TTC16: variants seen among roughly 807,000 people sequenced by gnomAD.
The protein encoded by TTC16 is tetratricopeptide repeat protein 16.
In TTC16, 66 loss-of-function variants were observed where a neutral mutation model predicts 80.4. The ratio of observed to expected loss-of-function variants is 0.82; its 90% confidence interval spans 0.67 to 1.01. The LOEUF (loss-of-function observed/expected upper bound fraction) is 1.01, where lower values mean the gene tolerates loss of function less well. Among genes scored for constraint, TTC16 ranks in the 50% least tolerant of loss-of-function variants. The pLI is 0.00. For missense variants in TTC16, 1,070 were observed against 1,103.2 expected (o/e 0.97, Z 0.43); for synonymous variants, 438 against 451.3 (o/e 0.97, Z 0.37).
At position 127,720,264 on chromosome 9, in the gene TTC16, A is replaced by G; in HGVS notation, c.528-2A>G. The G allele has an allele frequency of 3.1e-6, 5 of 1,613,356 alleles. No homozygotes were observed. The highest frequency in any genetic ancestry group is 2.2e-5 in the South Asian group (2 of 91,074). On this transcript the variant is annotated splice_acceptor_variant, in intron 5 of 13. Transcript: ENST00000373289. LOFTEE classifies it high-confidence loss of function. ...CGAGCACTCTGTGCCCTCTGCCCTC[A>G]GCATGGCCTGTCTCCTGGCCCTCAA...
At chr9:127,726,067 C>G (rs10987724) in intron 9 of TTC16, among the ~76,000 whole-genome samples, 172 bp from the exon 10 acceptor site, 1 of 152,156 alleles carries the variant, frequency 6.6e-6, no homozygotes, top group Non-Finnish European at 1.5e-5. Context: ...ACACTGGCAT[C>G]GAAGTGTTGG....
intron 13 of TTC16, 132 bp from the exon 14 acceptor site, chr9:127,730,504 G>C (rs1437372452): frequency 2.2e-6 from 3 of 1,368,528 alleles, no homozygotes; most frequent in Non-Finnish European, 1.9e-6. Context: ...GGGGTGATCT[G>C]CAGGTCTTTC....
chr9:127,720,295 A>G lies in TTC16; in HGVS notation c.557A>G (p.His186Arg). The G allele has an allele frequency of 6.2e-7, 1 of 1,613,428 alleles. No homozygotes were observed. Among genetic ancestry groups the G allele is most frequent in the South Asian group, 1.1e-5 (1 of 91,082 alleles). ...CMACLLALKQHQACLTLITNE... is the reference protein window; with the variant it reads ...CMACLLALKQRQACLTLITNE... ...GCCTGTCTCCTGGCCCTCAAGCAGC[A>G]TCAGGCCTGCCTCACGCTCATCACC... The change falls in exon 6 of 14, where the codon CAT becomes CGT. Residue 186 changes from histidine (H) to arginine (R), a missense_variant. Coordinates refer to ENST00000373289, the MANE Select transcript of TTC16 (RefSeq NM_144965.3).
At chr9:127,730,304 G>A in intron 13 of TTC16, 1 of 388,992 alleles carries the variant, frequency 2.6e-6, no homozygotes, top group Non-Finnish European at 4.7e-6. Flanking sequence ...GTGGGGACGA[G>A]GATGGAAAAG....
rs767654162 is a variant in TTC16, at chr9:127,722,714, G to C, written c.658-405G>C. On this transcript the variant is annotated intron_variant, in intron 6 of 13. Transcript: ENST00000373289. The surrounding 1 kb of genome is among the most constrained non-coding windows in gnomAD (Gnocchi z 4.2). ...CTCAAACCTGTAATCCCAGCACTTCGGGAGGCCAAGGTGGGCGGATCACCT... is the reference window on the plus strand; with the variant it reads ...CTCAAACCTGTAATCCCAGCACTTCCGGAGGCCAAGGTGGGCGGATCACCT... 6.6e-6 allele frequency among the ~76,000 whole-genome samples: 1 copy of C among 152,104 alleles called. No individual in the cohort carries two copies. Among genetic ancestry groups the C allele is most frequent in the East Asian group, 1.9e-4 (1 of 5,190 alleles).
chr9:127,723,417 C>T (rs1308113169), intron 7 of TTC16, 84 bp downstream of exon 7: 2 of 1,314,546 alleles, frequency 1.5e-6, no homozygotes, highest in Non-Finnish European at 2.1e-6. Flanking sequence ...GTCCCTGACC[C>T]TCTCTGGGCC....
chr9:127,724,702 G>A (rs1007296060), intron 8 of TTC16, 54 bp from the exon 9 acceptor site: 1 of 1,578,138 alleles, frequency 6.3e-7, no homozygotes, highest in Non-Finnish European at 8.6e-7. Context: ...GCTGGGCTGG[G>A]GCTCCCGGGC....
intron 2 of TTC16, 26 bp downstream of exon 2, chr9:127,717,042 C>A: frequency 1.2e-6 from 2 of 1,606,814 alleles, no homozygotes; most frequent in South Asian, 2.2e-5. Context: ...GCTTTGGGGT[C>A]CCAGGTTCCT....
In TTC16 at chr9:127,720,404, G is replaced by T. The variant is rs760036538; in HGVS notation, c.657+9G>T. ...ACAACTTTCTCCAGAAGGTACAGTG[G>T]GGAGGGCGGGCAGGGGCATGCCCCC... On this transcript the variant is annotated intron_variant, in intron 6 of 13. Coordinates refer to ENST00000373289, the MANE Select transcript of TTC16 (RefSeq NM_144965.3). 1.2e-6 allele frequency: 2 copies of T among 1,611,960 alleles called. No individual in the cohort carries two copies. Among genetic ancestry groups the T allele is most frequent in the South Asian group, 1.1e-5 (1 of 91,026 alleles).
Position 127,727,477 on chromosome 9 carries a change from A to G in TTC16, c.1764+12A>G. ...AGGAGAAAAAAGAGGTAAGTGGAGT[A>G]CAGGCCAGGGCTCGGAGCCCTTGGG... On this transcript the variant is annotated intron_variant, in intron 12 of 13. Transcript: ENST00000373289. 2 of 1,556,100 alleles carry G rather than the reference A, an allele frequency of 1.3e-6. No individual in the cohort carries two copies. The highest frequency in any genetic ancestry group is 4.8e-5 in the East Asian group (2 of 41,604).
chr9:127,726,100 G>A, intron 9 of TTC16, 139 bp from the exon 10 acceptor site: 1 of 548,798 alleles, frequency 1.8e-6, no homozygotes, highest in Non-Finnish European at 3.0e-6. Context: ...CGTACCTGAT[G>A]GAGAGAGAGG....
Position 127,727,303 on chromosome 9 carries a change from G to C in TTC16, c.1602G>C (p.Lys534Asn). 1.3e-6 allele frequency: 2 copies of C among 1,580,460 alleles called. No homozygotes were observed. The highest frequency in any genetic ancestry group is 1.7e-6 in the Non-Finnish European group (2 of 1,160,746). Residue 534 changes from lysine (K) to asparagine (N), a missense_variant, in exon 12 of 14, where the codon AAG (lysine) becomes AAC (asparagine). By Grantham distance (94) the Lys-to-Asn change is moderately conservative. Coordinates refer to ENST00000373289, the MANE Select transcript of TTC16 (RefSeq NM_144965.3). ...MLKRHELERQ[K>N]ALALQHSWKQ... is the part of the protein sequence containing the mutation. ...AACGGCACGAGTTGGAGCGCCAGAA[G>C]GCCTTGGCCCTGCAGCACTCATGGA... is the stretch of plus-strand genomic sequence containing the variant.
At chr9:127,720,034 G>A (rs1415560248) in intron 4 of TTC16, 44 bp from the exon 5 acceptor site, 26 of 1,580,902 alleles carry the variant, frequency 1.6e-5, no homozygotes, top group Non-Finnish European at 2.3e-5. Context: ...GGGTGCAGCT[G>A]GGCTGGGGTG....
chr9:127,730,414 A>G (rs1844315697), intron 13 of TTC16: 12 of 618,110 alleles, frequency 1.9e-5, no homozygotes, highest in Non-Finnish European at 2.8e-5. Flanking sequence ...GAGGCCTGGG[A>G]CTGGGAGAAG....
intron 13 of TTC16, 34 bp from the exon 14 acceptor site, chr9:127,730,602 G>A: frequency 6.2e-7 from 1 of 1,601,806 alleles, no homozygotes; most frequent in Non-Finnish European, 8.5e-7. Flanking sequence ...AGGTGCGGCA[G>A]GCCTGATGGG....
chr9:127,723,100 C>CA lies in TTC16; in HGVS notation c.658-18dup, dbSNP rs1210976013. On this transcript the variant is annotated intron_variant, in intron 6 of 13. Transcript: ENST00000373289. ...CTCAGTTGGTCTGTGCCCCTGATGC[C>CA]ACCCATGGCCTCCTGCAGCCCCACC... The CA allele has an allele frequency of 1.9e-6, 3 of 1,606,004 alleles. No individual in the cohort carries two copies. The highest frequency in any genetic ancestry group is 2.5e-6 in the Non-Finnish European group (3 of 1,178,288).
Position 127,720,140 on chromosome 9 carries a change from T to G in TTC16, c.489T>G (p.Ala163=). The change falls in exon 5 of 14, where the codon GCT becomes GCG. Residue 163 remains alanine, a synonymous_variant. Coordinates refer to ENST00000373289, the MANE Select transcript of TTC16 (RefSeq NM_144965.3). ...LDALNVFSHA[A]ELQPEKPCFR... ...CCCTGAATGTCTTCTCACATGCTGC[T>G]GAGCTCCAGCCTGAGAAACCATGCT... 1.2e-6 allele frequency: 2 copies of G among 1,613,956 alleles called. No individual in the cohort carries two copies. Among genetic ancestry groups the G allele is most frequent in the Non-Finnish European group, 1.7e-6 (2 of 1,180,016 alleles).
intron 6 of TTC16, 76 bp from the exon 7 acceptor site, chr9:127,723,043 C>T: frequency 3.4e-6 from 5 of 1,482,438 alleles, no homozygotes; most frequent in Non-Finnish European, 4.6e-6. Context: ...TGTGATGCCA[C>T]CCTGCTGAAG....
intron 11 of TTC16, 72 bp from the exon 12 acceptor site, chr9:127,727,198 C>A: frequency 1.3e-6 from 2 of 1,522,560 alleles, no homozygotes; most frequent in South Asian, 1.3e-5. Flanking sequence ...ATGACGGGGC[C>A]GTTGTCTAGT....
Sources: allele counts gnomAD v4.1 joint callset (sites outside exome capture counted in the v4.1 genomes callset), GRCh38; gene constraint gnomAD v4.1.1; non-coding constraint Gnocchi (gnomAD v3.1); transcripts MANE v1.5; gene names NCBI Gene and HGNC (gene_info 2026-07-23, HGNC 2026-07-21).